Variants in SLC36A2 observed in about 807,000 individuals in gnomAD.
SLC36A2 encodes the protein proton-coupled amino acid transporter 2.
SLC36A2 carries 39 observed loss-of-function variants against 42.7 expected under a neutral mutation model. The ratio of observed to expected loss-of-function variants is 0.91; its 90% confidence interval spans 0.71 to 1.19. The LOEUF (loss-of-function observed/expected upper bound fraction) is 1.19, where lower values mean the gene tolerates loss of function less well. Among genes scored for constraint, SLC36A2 ranks in the 50% most tolerant of loss-of-function variants. SLC36A2 has a pLI of 0.00. For synonymous variants in SLC36A2, 237 were observed against 240.8 expected (o/e 0.98, Z 0.15); for missense variants, 590 against 613.7 (o/e 0.96, Z 0.41).
rs773958219 is a variant in SLC36A2 at position 151,342,964 on chromosome 5, C to T, written c.364G>A (p.Asp122Asn). 1.9e-6 allele frequency: 3 copies of T among 1,614,020 alleles called. No individual in the cohort carries two copies. The highest frequency in any genetic ancestry group is 2.2e-5 in the East Asian group (1 of 44,874). Reference protein sequence around the residue: ...FCKRLNKPFMDYGDTVMHGLE... With the variant: ...FCKRLNKPFMNYGDTVMHGLE... The stretch of plus-strand genomic sequence containing the variant: ...CCATGCATCACCGTGTCCCCATAGT[C>T]CATAAAGGGCTTGTTAAGCCTGCAG... The change falls in exon 4 of 10, where the codon GAC (aspartate) becomes AAC (asparagine). Residue 122 changes from aspartate (D) to asparagine (N), a missense_variant. Coordinates refer to ENST00000335244, the MANE Select transcript of SLC36A2 (RefSeq NM_181776.3).
chr5:151,332,339 G>A, intron 7 of SLC36A2: 1 of 449,114 alleles, frequency 2.2e-6, no homozygotes, highest in Non-Finnish European at 4.5e-6. Context: ...ATAAGCAAAG[G>A]ACTTGATGTT....
At chr5:151,342,067 G>T (rs1273671418) in intron 4 of SLC36A2, among the ~76,000 whole-genome samples, 6 of 152,170 alleles carry the variant, frequency 3.9e-5, no homozygotes, top group African/African-American at 1.4e-4. Context: ...CCTTAGAGAA[G>T]CCAGACAGAT....
rs1363328030 is a variant in SLC36A2 at position 151,316,676 on chromosome 5, G to C, written c.*141C>G. ...AATCGCTTGAACCCAGGAGGCCGAA[G>C]TTGTGGTGAGCTGAGATCGCATCAT... is the stretch of plus-strand genomic sequence containing the variant. On this transcript the variant is annotated 3_prime_UTR_variant, in exon 10 of 10. Coordinates refer to ENST00000335244, the MANE Select transcript of SLC36A2 (RefSeq NM_181776.3). 8 of 1,092,892 alleles carry C rather than the reference G, an allele frequency of 7.3e-6. No individual in the cohort carries two copies. Among genetic ancestry groups the C allele is most frequent in the Non-Finnish European group, 8.9e-6 (7 of 787,470 alleles). The allele number at this position is 1,092,892 out of a possible 1,614,324, so 67.7% of individuals were successfully genotyped here. A position where few individuals can be genotyped will look rare whatever the true frequency, so the allele number is the denominator to read the frequency against.
Position 151,347,405 on chromosome 5 carries a change from T to G in SLC36A2, c.56A>C (p.Asp19Ala). The change falls in exon 1 of 10, where the codon GAC (aspartate) becomes GCC (alanine). Residue 19 changes from aspartate (D) to alanine (A), a missense_variant. By Grantham distance (126) the Asp-to-Ala change is moderately radical. Transcript: ENST00000335244. ...GGCACTTTCAGGAGGCGACATAAGG[T>G]CCAATTTGATGGCAACGGCTCCCTG... Reference protein sequence around the residue: ...GPQGAVAIKLDLMSPPESAKK... With the variant: ...GPQGAVAIKLALMSPPESAKK... 6.2e-7 allele frequency: 1 copy of G among 1,614,216 alleles called. No homozygotes were observed. Among genetic ancestry groups the G allele is most frequent in the Non-Finnish European group, 8.5e-7 (1 of 1,180,038 alleles).
Position 151,322,112 on chromosome 5 carries a change from G to A in SLC36A2, c.1114C>T (p.Arg372Trp), listed in dbSNP as rs140648839. ...GGCAGTGCCCAGCGTGTTGACACCC[G>A]GGAGATGGCAAAGGGGATGATGATT... ...AEIIIPFAISRVSTRWALPLD... is the reference protein window; with the variant it reads ...AEIIIPFAISWVSTRWALPLD... The change falls in exon 9 of 10, where the codon CGG becomes TGG. Residue 372 changes from arginine (R) to tryptophan (W), a missense_variant. Physicochemically the swap from Arg to Trp is moderately radical, Grantham distance 101. Coordinates refer to ENST00000335244, the MANE Select transcript of SLC36A2 (RefSeq NM_181776.3). 68 of 1,614,186 alleles carry A rather than the reference G, an allele frequency of 4.2e-5. No homozygotes were observed. In the African/African-American group the frequency reaches 7.1e-4, roughly 17 times the overall value.
intron 7 of SLC36A2, among the ~76,000 whole-genome samples, chr5:151,327,762 C>G (rs1241127690): frequency 6.6e-6 from 1 of 152,190 alleles, no homozygotes; most frequent in Non-Finnish European, 1.5e-5. Flanking sequence ...TTCTCTCTCT[C>G]TCTCTCTCCA....
At chr5:151,324,891 T>C (rs1350139109) in intron 8 of SLC36A2, among the ~76,000 whole-genome samples, 2 of 152,178 alleles carry the variant, frequency 1.3e-5, no homozygotes, top group South Asian at 2.1e-4. Context: ...TTCTATCTGG[T>C]TACTCTGACT....
In SLC36A2 at chr5:151,316,740, CAAAAAAAAAA is replaced by C. The variant is rs33912867; in HGVS notation, c.*67_*76del. The C allele has an allele frequency of 1.0e-4, 90 of 896,194 alleles. No homozygotes were observed. The highest frequency in any genetic ancestry group is 9.3e-4 in the Admixed American group (23 of 24,834). The allele number at this position is 896,194 out of a possible 1,614,324, so 55.5% of individuals were successfully genotyped here. A position where few individuals can be genotyped will look rare whatever the true frequency, so the allele number is the denominator to read the frequency against. On this transcript the variant is annotated 3_prime_UTR_variant, in exon 10 of 10. Transcript: ENST00000335244. ...GGGCAACAAGACAGAAACTCCGTCT[CAAAAAAAAAA>C]AAAAAAAAAAAAAGAGATCCATATA... is the stretch of plus-strand genomic sequence containing the variant.
chr5:151,334,076 A>G (rs1265432522), intron 6 of SLC36A2, among the ~76,000 whole-genome samples: 1 of 152,174 alleles, frequency 6.6e-6, no homozygotes, highest in East Asian at 1.9e-4. Flanking sequence ...TAAATATTCT[A>G]TATACCTTGT....
At chr5:151,332,613 A>T (rs1036715166) in intron 7 of SLC36A2, 1 of 333,156 alleles carries the variant, frequency 3.0e-6, no homozygotes, top group Admixed American at 4.2e-5. Context: ...AGCCAGTCTC[A>T]ATCTCATACA....
Position 151,316,681 on chromosome 5 carries a change from G to T in SLC36A2, c.*136C>A. On this transcript the variant is annotated 3_prime_UTR_variant, in exon 10 of 10. Coordinates refer to ENST00000335244, the MANE Select transcript of SLC36A2 (RefSeq NM_181776.3). ...CTTGAACCCAGGAGGCCGAAGTTGT[G>T]GTGAGCTGAGATCGCATCATTGTAC... is the stretch of plus-strand genomic sequence containing the variant. The T allele has an allele frequency of 8.8e-7, 1 of 1,130,478 alleles. No individual in the cohort carries two copies. The highest frequency in any genetic ancestry group is 1.2e-6 in the Non-Finnish European group (1 of 814,248). The allele number at this position is 1,130,478 out of a possible 1,614,324, so 70.0% of individuals were successfully genotyped here. A position where few individuals can be genotyped will look rare whatever the true frequency, so the allele number is the denominator to read the frequency against.
chr5:151,324,886 T>C (rs891151050), intron 8 of SLC36A2, among the ~76,000 whole-genome samples: 12 of 152,188 alleles, frequency 7.9e-5, no homozygotes, highest in African/African-American at 2.9e-4. Context: ...CACTTTTCTA[T>C]CTGGTTACTC....
intron 7 of SLC36A2, among the ~76,000 whole-genome samples, chr5:151,330,131 A>T (rs369478747): frequency 2.0e-5 from 3 of 152,360 alleles, no homozygotes; most frequent in African/African-American, 7.2e-5. Context: ...GAGAAGAAAA[A>T]GAGATTGGTG....
At chr5:151,321,812 G>A (rs894477348) in intron 9 of SLC36A2, 1 of 475,914 alleles carries the variant, frequency 2.1e-6, no homozygotes, top group Non-Finnish European at 3.9e-6. Flanking sequence ...TGAGTAGCTG[G>A]GATTACAGGC....
chr5:151,322,270 C>G (rs1755718642), intron 8 of SLC36A2, 55 bp from the exon 9 acceptor site: 2 of 1,595,360 alleles, frequency 1.3e-6, no homozygotes, highest in Non-Finnish European at 1.7e-6. Context: ...TGACACTGGC[C>G]TCCTTGGAAC....
At chr5:151,343,137 T>C (rs1756395016) in intron 3 of SLC36A2, among the ~76,000 whole-genome samples, 154 bp from the exon 4 acceptor site, 1 of 152,168 alleles carries the variant, frequency 6.6e-6, no homozygotes, top group South Asian at 2.1e-4. Context: ...CAGCAGTAAT[T>C]CCTCAGTGGC....
Position 151,315,059 on chromosome 5 carries a change from CTG to C in SLC36A2, c.*1756_*1757del, listed in dbSNP as rs1755456156. 6.6e-6 allele frequency: 1 copy of C among 152,566 alleles called. No individual in the cohort carries two copies. The highest frequency in any genetic ancestry group is 6.5e-5 in the Admixed American group (1 of 15,284). The allele number at this position is 152,566 out of a possible 1,614,324, so 9.5% of individuals were successfully genotyped here. On this transcript the variant is annotated 3_prime_UTR_variant, in exon 10 of 10. Coordinates refer to ENST00000335244, the MANE Select transcript of SLC36A2 (RefSeq NM_181776.3). ...ATTCTTATGGTCTGTGTCAGCCTGA[CTG>C]GGGTTGGATATAGTCTAGGATGGCT...
At chr5:151,335,682 G>A (rs1442418865) in intron 5 of SLC36A2, 135 bp from the exon 6 acceptor site, 7 of 734,188 alleles carry the variant, frequency 9.5e-6, no homozygotes, top group Non-Finnish European at 1.2e-5. Flanking sequence ...CTCACGGTGA[G>A]TTAGGGTGAA....
chr5:151,318,196 A>T (rs1755559176), intron 9 of SLC36A2, among the ~76,000 whole-genome samples: 1 of 152,102 alleles, frequency 6.6e-6, no homozygotes, highest in South Asian at 2.1e-4. Context: ...GCTTAAAATA[A>T]TCTTTATGCT....
Sources: gnomAD v4.1 joint callset for allele counts (sites outside exome capture counted in the v4.1 genomes callset) on GRCh38, gnomAD v4.1.1 for gene constraint, MANE v1.5 for transcripts, NCBI Gene and HGNC (gene_info 2026-07-23, HGNC 2026-07-21) for gene names.